Variants in CYB561D2 observed in about 807,000 individuals in gnomAD.
CYB561D2 encodes cytochrome b561 family member D2, also known as transmembrane reductase CYB561D2.
CYB561D2 carries 16 observed loss-of-function variants against 20.2 expected under a neutral mutation model. The ratio of observed to expected loss-of-function variants is 0.79; its 90% CI spans 0.53 to 1.20. The LOEUF (loss-of-function observed/expected upper bound fraction) is 1.20, where lower values mean the gene tolerates loss of function less well. Among genes scored for constraint, CYB561D2 ranks in the 50% most tolerant of loss-of-function variants. The probability of loss-of-function intolerance (pLI) is 0.00; values close to 1 mark genes in which losing one functional copy is unlikely to be tolerated. For missense variants in CYB561D2, 247 were observed against 270.3 expected (o/e 0.91, Z 0.60); for synonymous variants, 135 against 128.3 (o/e 1.05, Z -0.35).
Position 50,351,653 on chromosome 3 carries a change from G to C in CYB561D2, c.127+93G>C, listed in dbSNP as rs1454046874. On this transcript the variant is annotated intron_variant, in intron 2 of 3. Coordinates refer to ENST00000425346, the MANE Select transcript of CYB561D2 (RefSeq NM_001291284.2). ...GGACTTCCGGGAACAGGCCTGGCTG[G>C]TTGAGGGAATTCTGTGCTGGAGCGA... 3 of 1,519,682 alleles carry C rather than the reference G, an allele frequency of 2.0e-6. No individual in the cohort carries two copies. The African/African-American group carries it at 4.1e-5, about 21-fold the overall frequency. The allele number at this position is 1,519,682 out of a possible 1,614,324, so 94.1% of individuals were successfully genotyped here. A position where few individuals can be genotyped will look rare whatever the true frequency, so the allele number is the denominator to read the frequency against.
chr3:50,353,560 C>T lies in CYB561D2; in HGVS notation c.485C>T (p.Ser162Phe), dbSNP rs1703821358. Residue 162 changes from serine to phenylalanine, a missense_variant, in exon 4 of 4, where the codon TCT (serine) becomes TTT (phenylalanine). Ser to Phe is a radical substitution (Grantham distance 155). Transcript: ENST00000425346. ...AAGCTCAAGCTATACCATGCTACTT[C>T]TGGGCTGGTGGGCTACCTGCTGGGT... ...LAKLKLYHAT[S>F]GLVGYLLGSA... is the part of the protein sequence containing the mutation. The T allele has an allele frequency of 1.2e-6, 2 of 1,613,794 alleles. No homozygotes were observed. The highest frequency in any genetic ancestry group is 4.5e-5 in the East Asian group (2 of 44,896).
chr3:50,353,510 G>C lies in CYB561D2; in HGVS notation c.435G>C (p.Lys145Asn). The change falls in exon 4 of 4, where the codon AAG becomes AAC. Residue 145 changes from lysine (K) to asparagine (N), a missense_variant. Transcript: ENST00000425346. ...CSGGVGLLYP[K>N]LLPRWPLAKL... ...GTGGGGTGGGGCTGCTCTACCCCAA[G>C]CTGCTGCCCCGATGGCCCCTGGCGA... The C allele has an allele frequency of 1.2e-6, 2 of 1,613,574 alleles. No homozygotes were observed. Among genetic ancestry groups the C allele is most frequent in the Admixed American group, 3.3e-5 (2 of 60,028 alleles).
chr3:50,353,820 T>A lies in CYB561D2; in HGVS notation c.*76T>A. ...GGGCCTAGGGACCTGTTGAACTCTC[T>A]CAGCTGAGTCAGGGGACACCTCAGG... On this transcript the variant is annotated 3_prime_UTR_variant, in exon 4 of 4. Coordinates refer to ENST00000425346, the MANE Select transcript of CYB561D2 (RefSeq NM_001291284.2). 6.7e-7 allele frequency: 1 copy of A among 1,498,236 alleles called. No individual in the cohort carries two copies. Among genetic ancestry groups the A allele is most frequent in the Non-Finnish European group, 8.9e-7 (1 of 1,119,872 alleles). 92.8% of individuals were successfully genotyped at this position (1,498,236 alleles called of 1,614,324 possible). A position where few individuals can be genotyped will look rare whatever the true frequency, so the allele number is the denominator to read the frequency against.
chr3:50,353,973 C>T lies in CYB561D2; in HGVS notation c.*229C>T. 1 of 538,862 alleles carries T rather than the reference C, an allele frequency of 1.9e-6. No homozygotes were observed. The allele number at this position is 538,862 out of a possible 1,614,324, so 33.4% of individuals were successfully genotyped here. On this transcript the variant is annotated 3_prime_UTR_variant, in exon 4 of 4. Coordinates refer to ENST00000425346, the MANE Select transcript of CYB561D2 (RefSeq NM_001291284.2). ...ATAGGCATCATGTGTCTGGATGAAGCTGGGGCTGCAAGACTGCCTCTCCTG... is the reference window on the plus strand; with the variant it reads ...ATAGGCATCATGTGTCTGGATGAAGTTGGGGCTGCAAGACTGCCTCTCCTG...
chr3:50,350,922 C>T lies in CYB561D2; in HGVS notation c.-88C>T. The T allele has an allele frequency of 5.8e-6, 8 of 1,381,838 alleles. No homozygotes were observed. The South Asian group carries it at 1.3e-4, about 23-fold the overall frequency. 85.6% of individuals were successfully genotyped at this position (1,381,838 alleles called of 1,614,324 possible). Reference sequence around the variant, plus strand: ...GGAGCGGCGGTGCGCGCGGCAGGGCCCGGAGTATCCCGCTTTCTTTGGAGG... The same window carrying T: ...GGAGCGGCGGTGCGCGCGGCAGGGCTCGGAGTATCCCGCTTTCTTTGGAGG... On this transcript the variant is annotated 5_prime_UTR_variant, in exon 1 of 4. Coordinates refer to ENST00000425346, the MANE Select transcript of CYB561D2 (RefSeq NM_001291284.2). The surrounding 1 kb of genome is among the most constrained non-coding windows in gnomAD (Gnocchi z 5.7).
Position 50,353,315 on chromosome 3 carries a change from A to G in CYB561D2, c.240A>G (p.Lys80=), listed in dbSNP as rs766022749. The G allele has an allele frequency of 1.9e-6, 3 of 1,605,508 alleles. No homozygotes were observed. Among genetic ancestry groups the G allele is most frequent in the African/African-American group, 1.3e-5 (1 of 74,792 alleles). The stretch of plus-strand genomic sequence containing the variant: ...CGCTGCTGCACTCCCTCTCACGGAA[A>G]GGCCGAGCACGCTGCCACTGGGTGC... ...ESSLLHSLSR[K]GRARCHWVLQ... Residue 80 remains lysine, a synonymous_variant, in exon 4 of 4, where the codon AAA becomes AAG. Transcript: ENST00000425346.
Position 50,350,963 on chromosome 3 carries a change from A to G in CYB561D2, c.-47A>G. The G allele has an allele frequency of 7.8e-7, 1 of 1,281,954 alleles. No individual in the cohort carries two copies. Among genetic ancestry groups the G allele is most frequent in the African/African-American group, 1.5e-5 (1 of 66,264 alleles). 79.4% of individuals were successfully genotyped at this position (1,281,954 alleles called of 1,614,324 possible). On this transcript the variant is annotated 5_prime_UTR_variant, in exon 1 of 4. Transcript: ENST00000425346. This position sits in a 1 kb window ranked among gnomAD's most constrained non-coding sequence, Gnocchi z 5.7. The stretch of plus-strand genomic sequence containing the variant: ...TCTTTGGAGGAAACCACCGCATCAG[A>G]TCTGCGCTGCGGCAGAGGCAGGCAA...
At position 50,353,688 on chromosome 3, in the gene CYB561D2, G is replaced by T; in HGVS notation, c.613G>T (p.Val205Phe). The change falls in exon 4 of 4, where the codon GTC (valine) becomes TTC (phenylalanine). Residue 205 changes from valine to phenylalanine, a missense_variant. By Grantham distance (50) the Val-to-Phe change is conservative. Coordinates refer to ENST00000425346, the MANE Select transcript of CYB561D2 (RefSeq NM_001291284.2). Reference sequence around the variant, plus strand: ...ATTATGCCCTGTCCTCACCAGCTTGGTCATTATGAACCAGGTGAGCAATGC... The same window carrying T: ...ATTATGCCCTGTCCTCACCAGCTTGTTCATTATGAACCAGGTGAGCAATGC... ...AVLCPVLTSL[V>F]IMNQVSNAYL... 1 of 1,613,114 alleles carries T rather than the reference G, an allele frequency of 6.2e-7. No homozygotes were observed. The highest frequency in any genetic ancestry group is 8.5e-7 in the Non-Finnish European group (1 of 1,180,000).
rs587672331 is a variant in CYB561D2 at position 50,353,283 on chromosome 3, G to C, written c.208G>C (p.Glu70Gln). ...MTEALLVFSP[E>Q]SSLLHSLSRK... ...CGAGGCACTACTGGTGTTTTCTCCT[G>C]AGAGTTCGCTGCTGCACTCCCTCTC... The change falls in exon 4 of 4, where the codon GAG becomes CAG. Residue 70 changes from glutamate (E) to glutamine (Q), a missense_variant. By Grantham distance (29) the Glu-to-Gln change is conservative. Transcript: ENST00000425346. The C allele has an allele frequency of 1.2e-5, 19 of 1,591,488 alleles. No homozygotes were observed. The East Asian group carries it at 3.6e-4, about 30-fold the overall frequency.
rs759823974 is a variant in CYB561D2, at chr3:50,352,063, G to T, written c.165+17G>T. 5 of 1,613,834 alleles carry T rather than the reference G, an allele frequency of 3.1e-6. No individual in the cohort carries two copies. In the Admixed American group the frequency reaches 8.3e-5, roughly 27 times the overall value. On this transcript the variant is annotated intron_variant, in intron 3 of 3. Transcript: ENST00000425346. Reference sequence around the variant, plus strand: ...TCTTTGGCTGTAAGTAGTGGGCCTGGGCAGTTCTTAGGGGTGGGAGCATGG... The same window carrying T: ...TCTTTGGCTGTAAGTAGTGGGCCTGTGCAGTTCTTAGGGGTGGGAGCATGG...
Position 50,350,985 on chromosome 3 carries a change from G to A in CYB561D2, c.-26+1G>A, listed in dbSNP as rs1703741817. The A allele has an allele frequency of 8.8e-7, 1 of 1,139,726 alleles. No individual in the cohort carries two copies. The highest frequency in any genetic ancestry group is 1.1e-6 in the Non-Finnish European group (1 of 877,370). 70.6% of individuals were successfully genotyped at this position (1,139,726 alleles called of 1,614,324 possible). On this transcript the variant is annotated splice_donor_variant, in intron 1 of 3. Transcript: ENST00000425346. LOFTEE classifies it low-confidence loss of function (5UTR_SPLICE). The surrounding 1 kb of genome is among the most constrained non-coding windows in gnomAD (Gnocchi z 5.7). Reference sequence around the variant, plus strand: ...CAGATCTGCGCTGCGGCAGAGGCAGGCAAGTCCCTAGCGTGGAGGGGCAGC... The same window carrying A: ...CAGATCTGCGCTGCGGCAGAGGCAGACAAGTCCCTAGCGTGGAGGGGCAGC...
Position 50,351,533 on chromosome 3 carries a change from G to C in CYB561D2, c.100G>C (p.Val34Leu). Residue 34 changes from valine (V) to leucine (L), a missense_variant, in exon 2 of 4, where the codon GTG (valine) becomes CTG (leucine). Val to Leu is a conservative substitution (Grantham distance 32, BLOSUM62 1). Transcript: ENST00000425346. ...TGTGGCCCTGGGCTTTACCATCTTT[G>C]TGGCTGTGCTTGCCAGGCCTGGCTC... ...HLVALGFTIF[V>L]AVLARPGSSL... The C allele has an allele frequency of 3.1e-6, 5 of 1,611,650 alleles. No homozygotes were observed. Among genetic ancestry groups the C allele is most frequent in the Non-Finnish European group, 4.2e-6 (5 of 1,179,032 alleles).
chr3:50,353,162 G>T, intron 3 of CYB561D2, 79 bp from the exon 4 acceptor site: 1 of 1,497,828 alleles, frequency 6.7e-7, no homozygotes. Flanking sequence ...CTCACTGGCA[G>T]CTAAGGGTTA....
At chr3:50,351,594 G>C (rs368116375) in intron 2 of CYB561D2, 34 bp downstream of exon 2, 1 of 1,598,918 alleles carries the variant, frequency 6.3e-7, no homozygotes, top group Non-Finnish European at 8.5e-7. Context: ...TCTGGGAAGG[G>C]AAGGGCCACT....
chr3:50,351,247 G>A, intron 1 of CYB561D2, 162 bp from the exon 2 acceptor site: 2 of 762,588 alleles, frequency 2.6e-6, no homozygotes, highest in South Asian at 2.1e-5. Context: ...GCCGCCGGCC[G>A]TCGACTGGCA....
At chr3:50,352,579 A>T (rs1703794980) in intron 3 of CYB561D2, among the ~76,000 whole-genome samples, 1 of 149,710 alleles carries the variant, frequency 6.7e-6, no homozygotes, top group African/African-American at 2.5e-5. Context: ...CCAGTTACTC[A>T]GGAGCCTGAG....
intron 1 of CYB561D2, 56 bp downstream of exon 1, chr3:50,351,040 C>CT: frequency 7.0e-6 from 4 of 575,122 alleles, no homozygotes; most frequent in Non-Finnish European, 1.1e-5. Flanking sequence ...AGGCGGTGCG[C>CT]TAAGGGATTC....
intron 2 of CYB561D2, 135 bp from the exon 3 acceptor site, chr3:50,351,874 G>A: frequency 9.3e-7 from 1 of 1,078,888 alleles, no homozygotes; most frequent in Non-Finnish European, 1.4e-6. Flanking sequence ...TCAGCTTGTT[G>A]CAGAGCAAGA....
chr3:50,353,242 TCTC>T lies in CYB561D2; in HGVS notation c.170_172del (p.Ser57del), dbSNP rs1325421552. On this transcript the variant is annotated inframe_deletion and splice_region_variant, in exon 4 of 4. Transcript: ENST00000425346. ...GCTTCCCATCCCCTGTTTCCTCAGT[TCTC>T]CTTCCTGATGACCGAGGCACTACTG... The T allele has an allele frequency of 9.0e-6, 14 of 1,555,074 alleles. No individual in the cohort carries two copies. Among genetic ancestry groups the T allele is most frequent in the South Asian group, 7.2e-5 (6 of 83,374 alleles).
Sources: gnomAD v4.1 joint callset for allele counts (sites outside exome capture counted in the v4.1 genomes callset) on GRCh38, gnomAD v4.1.1 for gene constraint, Gnocchi (gnomAD v3.1) non-coding constraint, MANE v1.5 for transcripts, NCBI Gene and HGNC (gene_info 2026-07-23, HGNC 2026-07-21) for gene names.